The following ANXA10 variants were observed in gnomAD, a reference collection of about 807,000 sequenced individuals.
The protein encoded by ANXA10 is annexin 14.
In ANXA10, 49 loss-of-function variants were observed where a neutral mutation model predicts 53.5. The observed-to-expected ratio is 0.92, with a 90% confidence interval of 0.73 to 1.16. The LOEUF (loss-of-function observed/expected upper bound fraction) is 1.16, where lower values mean the gene tolerates loss of function less well. Ranked by LOEUF, ANXA10 falls within the 50% of genes most tolerant of loss-of-function variation. ANXA10 has a pLI of 0.00. For missense variants in ANXA10, 393 were observed against 394.4 expected (o/e 1.00, Z 0.03); for synonymous variants, 131 against 128.9 (o/e 1.02, Z -0.11).
At chr4:168,182,990 A>T (rs1490947697) in intron 10 of ANXA10, among the ~76,000 whole-genome samples, 1 of 144,148 alleles carries the variant, frequency 6.9e-6, no homozygotes, top group Non-Finnish European at 1.5e-5. Flanking sequence ...GCCTGGCGAC[A>T]GAGCGAGACA....
chr4:168,133,755 A>T (rs1322240327), intron 2 of ANXA10, among the ~76,000 whole-genome samples: 1 of 152,156 alleles, frequency 6.6e-6, no homozygotes, highest in Non-Finnish European at 1.5e-5. Flanking sequence ...ACAATAGTTC[A>T]GTATTTACTA....
At chr4:168,121,700 T>C (rs562629338) in intron 1 of ANXA10, among the ~76,000 whole-genome samples, 1 of 152,312 alleles carries the variant, frequency 6.6e-6, no homozygotes, top group Admixed American at 6.5e-5. Flanking sequence ...CGTGTTTTCA[T>C]GTGTTATAGT....
At chr4:168,135,952 G>A (rs1341088194) in intron 2 of ANXA10, among the ~76,000 whole-genome samples, 1 of 152,162 alleles carries the variant, frequency 6.6e-6, no homozygotes, top group Non-Finnish European at 1.5e-5. Context: ...AGGAAGCATG[G>A]CTGGGGAGAC....
intron 6 of ANXA10, among the ~76,000 whole-genome samples, chr4:168,167,070 C>T (rs950082741): frequency 6.6e-6 from 1 of 152,066 alleles, no homozygotes; most frequent in Non-Finnish European, 1.5e-5. Flanking sequence ...CTCTGAACCC[C>T]TCCAGTCCCA....
chr4:168,123,871 G>A (rs1366759919), intron 1 of ANXA10, among the ~76,000 whole-genome samples: 1 of 152,088 alleles, frequency 6.6e-6, no homozygotes, highest in African/African-American at 2.4e-5. Flanking sequence ...AGGTCACAGA[G>A]AGGAATTTTG....
At chr4:168,120,820 A>T (rs1236029878) in intron 1 of ANXA10, among the ~76,000 whole-genome samples, 2 of 152,098 alleles carry the variant, frequency 1.3e-5, no homozygotes, top group Non-Finnish European at 2.9e-5. Flanking sequence ...CTTAAAGTGG[A>T]TTTGTTAAAA....
chr4:168,105,216 G>T (rs533193699), intron 1 of ANXA10, among the ~76,000 whole-genome samples: 1 of 151,860 alleles, frequency 6.6e-6, no homozygotes, highest in African/African-American at 2.4e-5. Flanking sequence ...TGTGACTCAG[G>T]TATTAAGCCT....
intron 1 of ANXA10, among the ~76,000 whole-genome samples, chr4:168,093,302 T>C (rs1730489817): frequency 9.1e-6 from 1 of 109,974 alleles, no homozygotes; most frequent in African/African-American, 3.0e-5. Flanking sequence ...TTCTGTTGAA[T>C]AGAAGCAATG....
rs1043400552 is a variant in ANXA10, at chr4:168,146,373, G to A, written c.195+6793G>A. 5.9e-5 allele frequency among the ~76,000 whole-genome samples: 9 copies of A among 152,300 alleles called. 1 individual carries two copies. In the East Asian group the frequency reaches 1.7e-3, roughly 29 times the overall value. ...AACTTGAAAAAGTGTTATCATTTGT[G>A]AGGACCTACAGAACTCTATGAGGTA... On this transcript the variant is annotated intron_variant, in intron 3 of 11. Coordinates refer to ENST00000359299, the MANE Select transcript of ANXA10 (RefSeq NM_007193.5).
chr4:168,138,493 T>C (rs1226406785), intron 2 of ANXA10, among the ~76,000 whole-genome samples: 1 of 152,212 alleles, frequency 6.6e-6, no homozygotes, highest in African/African-American at 2.4e-5. Flanking sequence ...TTGATTACTA[T>C]AGCCTTGTAG....
At chr4:168,123,756 C>G (rs1731026510) in intron 1 of ANXA10, among the ~76,000 whole-genome samples, 2 of 151,706 alleles carry the variant, frequency 1.3e-5, no homozygotes, top group South Asian at 4.2e-4. Flanking sequence ...TTTTTTCACC[C>G]AGACAAACCT....
At chr4:168,133,308 A>G (rs1048218173) in intron 2 of ANXA10, among the ~76,000 whole-genome samples, 1 of 152,132 alleles carries the variant, frequency 6.6e-6, no homozygotes, top group Admixed American at 6.6e-5. Context: ...AAAATAATAC[A>G]TCCATAAAAA....
At chr4:168,121,612 G>A in intron 1 of ANXA10, among the ~76,000 whole-genome samples, 1 of 152,174 alleles carries the variant, frequency 6.6e-6, no homozygotes, top group Middle Eastern at 3.4e-3. Flanking sequence ...ATAATTAAAT[G>A]CTTAGAGCTA....
At chr4:168,167,937 C>G (rs1731911743) in intron 6 of ANXA10, among the ~76,000 whole-genome samples, 1 of 152,184 alleles carries the variant, frequency 6.6e-6, no homozygotes, top group African/African-American at 2.4e-5. Context: ...TGCTTGGAAT[C>G]AGTAAGTGGT....
chr4:168,103,177 A>G (rs1324782564), intron 1 of ANXA10, among the ~76,000 whole-genome samples: 6 of 151,976 alleles, frequency 3.9e-5, no homozygotes, highest in African/African-American at 7.2e-5. Flanking sequence ...GTTTTGACAA[A>G]GTCTAATTTA....
intron 6 of ANXA10, among the ~76,000 whole-genome samples, chr4:168,173,038 C>T (rs1057311536): frequency 3.9e-5 from 6 of 152,140 alleles, no homozygotes; most frequent in Admixed American, 3.3e-4. Flanking sequence ...GGTCCACCTG[C>T]CTCAGCCTCC....
At chr4:168,104,197 A>G (rs1730683646) in intron 1 of ANXA10, among the ~76,000 whole-genome samples, 1 of 151,948 alleles carries the variant, frequency 6.6e-6, no homozygotes, top group South Asian at 2.1e-4. Flanking sequence ...GGTGAATTAA[A>G]CAGATTGATT....
chr4:168,165,405 A>AT, intron 6 of ANXA10, 79 bp downstream of exon 6: 1 of 601,090 alleles, frequency 1.7e-6, no homozygotes, highest in Non-Finnish European at 2.7e-6. Flanking sequence ...AAAAAAAAAA[A>AT]ATAGAACAGA....
At chr4:168,154,513 T>C (rs1193115988) in intron 3 of ANXA10, among the ~76,000 whole-genome samples, 1 of 152,148 alleles carries the variant, frequency 6.6e-6, no homozygotes, top group Non-Finnish European at 1.5e-5. Flanking sequence ...AAGTAATCAA[T>C]TTCACTTAGG....
Sources: gnomAD v4.1 joint callset for allele counts (sites outside exome capture counted in the v4.1 genomes callset) on GRCh38, gnomAD v4.1.1 for gene constraint, MANE v1.5 for transcripts, NCBI Gene and HGNC (gene_info 2026-07-23, HGNC 2026-07-21) for gene names.